The following LTBP1 variants were observed in gnomAD, a reference collection of about 807,000 sequenced individuals.
LTBP1 encodes latent transforming growth factor beta binding protein 1.
A neutral mutation model predicts 207.6 loss-of-function variants in LTBP1; 129 were observed. The ratio of observed to expected loss-of-function variants is 0.62; its 90% CI spans 0.54 to 0.72. The LOEUF is 0.72. Ranked by LOEUF, LTBP1 falls within the 30% of genes least tolerant of loss-of-function variation. LTBP1 has a pLI of 0.00. For synonymous variants in LTBP1, 963 were observed against 833.7 expected, an observed-to-expected ratio of 1.16 and a Z score of -2.67; for missense variants, 2,281 against 2,217.2, an observed-to-expected ratio of 1.03 and a Z score of -0.58.
chr2:33,148,721 G>T (rs144971424), intron 5 of LTBP1, among the ~76,000 whole-genome samples: 5 of 152,100 alleles, frequency 3.3e-5, no homozygotes, highest in African/African-American at 4.8e-5. Flanking sequence ...GAAATATTTG[G>T]TTCACACTCA....
chr2:33,316,376 G>A (rs1011101966), intron 24 of LTBP1, among the ~76,000 whole-genome samples: 3 of 152,194 alleles, frequency 2.0e-5, no homozygotes, highest in Non-Finnish European at 4.4e-5. Flanking sequence ...GGAAGTATCT[G>A]CTCTCCTTGC....
chr2:33,312,496 G>T (rs1157189252), intron 23 of LTBP1, among the ~76,000 whole-genome samples: 1 of 152,142 alleles, frequency 6.6e-6, no homozygotes, highest in East Asian at 1.9e-4. Context: ...ATTTACGCAT[G>T]CCAAATTATG....
chr2:33,257,995 G>A (rs1485414597), intron 12 of LTBP1, among the ~76,000 whole-genome samples: 1 of 152,216 alleles, frequency 6.6e-6, no homozygotes, highest in Non-Finnish European at 1.5e-5. Flanking sequence ...ACCTAGTGTG[G>A]TTCTTCCATT....
chr2:33,030,024 T>TA (rs1038397601), intron 3 of LTBP1, among the ~76,000 whole-genome samples: 1 of 152,164 alleles, frequency 6.6e-6, no homozygotes, highest in Non-Finnish European at 1.5e-5. Flanking sequence ...ATTTATTTTT[T>TA]AAAAAACTCT....
intron 3 of LTBP1, among the ~76,000 whole-genome samples, chr2:33,050,340 A>C (rs1403529270): frequency 2.0e-5 from 3 of 152,022 alleles, no homozygotes; most frequent in African/African-American, 7.2e-5. Context: ...ATATGGGTTG[A>C]GATGTATCTA....
intron 3 of LTBP1, among the ~76,000 whole-genome samples, chr2:33,022,640 G>T (rs1245174113): frequency 2.0e-5 from 3 of 152,178 alleles, no homozygotes; most frequent in Non-Finnish European, 4.4e-5. Flanking sequence ...AATTTAAACA[G>T]AGGCAGTCAC....
chr2:33,145,067 G>T (rs2082913458), intron 5 of LTBP1, among the ~76,000 whole-genome samples: 1 of 152,154 alleles, frequency 6.6e-6, no homozygotes, highest in Admixed American at 6.5e-5. Flanking sequence ...AGAAGAGTCA[G>T]ATGCCCTTCC....
chr2:33,107,928 G>T (rs952799553), intron 3 of LTBP1, among the ~76,000 whole-genome samples: 5 of 152,102 alleles, frequency 3.3e-5, no homozygotes, highest in African/African-American at 1.2e-4. Context: ...GAGGAGGGAA[G>T]GGAGGAGGAA....
At chr2:32,987,341 C>T (rs1457468599) in intron 2 of LTBP1, among the ~76,000 whole-genome samples, 1 of 152,112 alleles carries the variant, frequency 6.6e-6, no homozygotes, top group Non-Finnish European at 1.5e-5. Context: ...ACCCTTGGGA[C>T]TTCTGGCCTA....
intron 5 of LTBP1, among the ~76,000 whole-genome samples, chr2:33,151,175 A>G (rs901900565): frequency 6.6e-6 from 1 of 152,026 alleles, no homozygotes; most frequent in African/African-American, 2.4e-5. Flanking sequence ...GGTTGTTTCT[A>G]CCTTTTTGCT....
chr2:33,179,370 A>T (rs990601240), intron 5 of LTBP1, among the ~76,000 whole-genome samples: 2 of 152,204 alleles, frequency 1.3e-5, no homozygotes, highest in Non-Finnish European at 2.9e-5. Flanking sequence ...TTCTTGTGAT[A>T]TATAAAATAG....
At chr2:33,353,860 C>CTT (rs1321533317) in intron 26 of LTBP1, among the ~76,000 whole-genome samples, 5 of 98,294 alleles carry the variant, frequency 5.1e-5, no homozygotes, top group African/African-American at 1.0e-4. Context: ...GCATGTACGC[C>CTT]TTTTTTTTTT....
At chr2:33,339,989 T>G (rs2094598148) in intron 24 of LTBP1, among the ~76,000 whole-genome samples, 1 of 151,990 alleles carries the variant, frequency 6.6e-6, no homozygotes, top group African/African-American at 2.4e-5. Context: ...GAAATGGAGT[T>G]TAGTAGGAAG....
At chr2:33,007,233 G>A (rs538839216) in intron 2 of LTBP1, among the ~76,000 whole-genome samples, 1 of 152,070 alleles carries the variant, frequency 6.6e-6, no homozygotes, top group Non-Finnish European at 1.5e-5. Flanking sequence ...CGCCCGCCTC[G>A]GCTTCTCAAA....
Position 33,262,852 on chromosome 2 carries a change from G to A in LTBP1, c.2518+31G>A, listed in dbSNP as rs193028287. 4.0e-6 allele frequency: 6 copies of A among 1,483,644 alleles called. No homozygotes were observed. In the African/African-American group the frequency reaches 8.5e-5, roughly 21 times the overall value. The allele number at this position is 1,483,644 out of a possible 1,614,324, so 91.9% of individuals were successfully genotyped here. ...CTGTGTTGATCTGTGCTGTTTGTCA[G>A]AGTATTCTGAATAAAAATGTAAGAC... On this transcript the variant is annotated intron_variant, in intron 14 of 33. Coordinates refer to ENST00000404816, the MANE Select transcript of LTBP1 (RefSeq NM_206943.4).
intron 5 of LTBP1, among the ~76,000 whole-genome samples, chr2:33,140,427 G>C (rs931117006): frequency 1.3e-5 from 2 of 152,058 alleles, no homozygotes; most frequent in African/African-American, 4.8e-5. Flanking sequence ...CCTTTCACTG[G>C]AGAATGTATT....
chr2:33,372,904 G>T (rs906762499), intron 31 of LTBP1, among the ~76,000 whole-genome samples: 3 of 152,170 alleles, frequency 2.0e-5, no homozygotes, highest in African/African-American at 2.4e-5. Flanking sequence ...GAAAATGTAC[G>T]TAAGAATCAC....
intron 5 of LTBP1, among the ~76,000 whole-genome samples, chr2:33,180,763 C>T (rs1257629011): frequency 6.6e-6 from 1 of 152,064 alleles, no homozygotes; most frequent in Admixed American, 6.6e-5. Context: ...GCCTAAGTAG[C>T]ATAGGTTCTT....
chr2:33,324,051 G>A (rs963356888), intron 24 of LTBP1, among the ~76,000 whole-genome samples: 4 of 152,052 alleles, frequency 2.6e-5, no homozygotes, highest in Non-Finnish European at 5.9e-5. Context: ...AGTATCCGCC[G>A]AGAATGGAGT....
Sources: allele counts gnomAD v4.1 joint callset (sites outside exome capture counted in the v4.1 genomes callset), GRCh38; gene constraint gnomAD v4.1.1; transcripts MANE v1.5; gene names NCBI Gene and HGNC (gene_info 2026-07-23, HGNC 2026-07-21).